The following LVRN variants were observed in gnomAD, a reference collection of about 807,000 sequenced individuals.
The protein encoded by LVRN is aminopeptidase Q.
A neutral mutation model predicts 111.4 loss-of-function variants in LVRN; 99 were observed. The ratio of observed to expected loss-of-function variants is 0.89; its 90% CI spans 0.76 to 1.05. The LOEUF (loss-of-function observed/expected upper bound fraction) is 1.05. Among genes scored for constraint, LVRN ranks in the 50% least tolerant of loss-of-function variants. The pLI, the probability that LVRN is intolerant of heterozygous loss-of-function variation, is 0.00. For synonymous variants in LVRN, 488 were observed against 449.5 expected, an observed-to-expected ratio of 1.09 and a Z score of -1.08; for missense variants, 1,414 against 1,206.8, an observed-to-expected ratio of 1.17 and a Z score of -2.54.
intron 4 of LVRN, among the ~76,000 whole-genome samples, chr5:115,991,817 G>A (rs917894608): frequency 5.9e-5 from 9 of 152,148 alleles, no homozygotes; most frequent in Non-Finnish European, 2.9e-5. Context: ...TTAGTGAGGT[G>A]TATGTTCAGA....
intron 18 of LVRN, among the ~76,000 whole-genome samples, chr5:116,016,941 G>T (rs17138669): frequency 0.16 from 25,097 of 152,124 alleles, 2,182 homozygotes; most frequent in East Asian, 0.22. Context: ...TAAATTCTAA[G>T]ATTCTTTCTA....
rs777586116 is a variant in LVRN, at chr5:115,962,882, C to T, written c.265C>T (p.Pro89Ser). The change falls in exon 1 of 20, where the codon CCC (proline) becomes TCC (serine). Residue 89 changes from proline to serine, a missense_variant. Coordinates refer to ENST00000357872, the MANE Select transcript of LVRN (RefSeq NM_173800.5). ...GACGACCACCCCGAGCAACTGGCGA[C>T]CCCCGGGGCCCTGGGACCAGCTACG... is the stretch of plus-strand genomic sequence containing the variant. ...AVTTTPSNWR[P>S]PGPWDQLRLP... 1.5e-5 allele frequency: 24 copies of T among 1,613,008 alleles called. No individual in the cohort carries two copies. Among genetic ancestry groups the T allele is most frequent in the South Asian group, 1.1e-5 (1 of 91,050 alleles).
chr5:116,027,541 A>G lies in LVRN; in HGVS notation c.*1423A>G, dbSNP rs757836794. The G allele has an allele frequency of 5.9e-5, 9 of 152,258 alleles. No homozygotes were observed. The highest frequency in any genetic ancestry group is 9.6e-5 in the African/African-American group (4 of 41,474). The allele number at this position is 152,258 out of a possible 1,614,324, so 9.4% of individuals were successfully genotyped here. On this transcript the variant is annotated 3_prime_UTR_variant, in exon 20 of 20. Coordinates refer to ENST00000357872, the MANE Select transcript of LVRN (RefSeq NM_173800.5). ...CAGACTTGGCCACAGGTCATAGGTC[A>G]GAGAATTTTTTCTTCAAATGTAGAA... is the stretch of plus-strand genomic sequence containing the variant.
intron 7 of LVRN, 119 bp from the exon 8 acceptor site, chr5:116,000,314 C>A: frequency 7.3e-7 from 1 of 1,367,250 alleles, no homozygotes. Flanking sequence ...TTCAAACATT[C>A]AACTAAAATG....
intron 1 of LVRN, among the ~76,000 whole-genome samples, chr5:115,982,734 C>T (rs982178763): frequency 6.6e-6 from 1 of 152,064 alleles, no homozygotes; most frequent in East Asian, 1.9e-4. Flanking sequence ...GGATTTGATA[C>T]CTTTACCCAT....
chr5:115,973,315 G>T (rs887717456), intron 1 of LVRN, among the ~76,000 whole-genome samples: 8 of 152,116 alleles, frequency 5.3e-5, no homozygotes, highest in Non-Finnish European at 8.8e-5. Flanking sequence ...CTCAAATTTT[G>T]CTTAGAATTT....
At chr5:115,975,810 A>T (rs1205691112) in intron 1 of LVRN, 1 of 152,680 alleles carries the variant, frequency 6.5e-6, no homozygotes, top group African/African-American at 2.4e-5. Context: ...CACTTGGGAT[A>T]TTGAACTTGT....
At chr5:115,977,275 C>G (rs1041627317) in intron 1 of LVRN, among the ~76,000 whole-genome samples, 1 of 152,108 alleles carries the variant, frequency 6.6e-6, no homozygotes, top group Non-Finnish European at 1.5e-5. Flanking sequence ...TAACGTCTGT[C>G]TCTTCAACTC....
chr5:115,983,475 C>G, intron 2 of LVRN, 46 bp downstream of exon 2: 1 of 1,532,672 alleles, frequency 6.5e-7, no homozygotes, highest in East Asian at 2.3e-5. Flanking sequence ...TCTATATAAG[C>G]TTTGTAATCA....
Position 116,005,959 on chromosome 5 carries a change from C to G in LVRN, c.2085C>G (p.Ser695=). 1 of 1,591,942 alleles carries G rather than the reference C, an allele frequency of 6.3e-7. No homozygotes were observed. The highest frequency in any genetic ancestry group is 8.6e-7 in the Non-Finnish European group (1 of 1,160,136). ...TGCAGTTGATTGATGATGCCTTTTCCTTGTCTAAGTGAGTATATTTTCTTC... is the reference window on the plus strand; with the variant it reads ...TGCAGTTGATTGATGATGCCTTTTCGTTGTCTAAGTGAGTATATTTTCTTC... ...HRLQLIDDAF[S]LSKNNYIEIE... Residue 695 remains serine (S), a synonymous_variant, in exon 13 of 20, where the codon TCC becomes TCG. Coordinates refer to ENST00000357872, the MANE Select transcript of LVRN (RefSeq NM_173800.5).
chr5:115,984,932 C>T (rs1747819744), intron 3 of LVRN, among the ~76,000 whole-genome samples: 1 of 152,134 alleles, frequency 6.6e-6, no homozygotes, highest in Non-Finnish European at 1.5e-5. Context: ...CATATTAAGC[C>T]CACTCATCAA....
At chr5:115,967,912 T>A (rs1753236757) in intron 1 of LVRN, among the ~76,000 whole-genome samples, 1 of 152,360 alleles carries the variant, frequency 6.6e-6, no homozygotes, top group Non-Finnish European at 1.5e-5. Context: ...ATAGAAATGC[T>A]GCTTTGTATG....
intron 1 of LVRN, among the ~76,000 whole-genome samples, chr5:115,981,707 T>C: frequency 6.6e-6 from 1 of 152,120 alleles, no homozygotes. Flanking sequence ...TTGGAACCCA[T>C]TAACCATCCC....
chr5:115,966,018 G>T (rs1433691041), intron 1 of LVRN, among the ~76,000 whole-genome samples: 1 of 152,034 alleles, frequency 6.6e-6, no homozygotes, highest in Non-Finnish European at 1.5e-5. Context: ...AATATAGAGA[G>T]GTCCTAGGTA....
chr5:115,995,862 C>G lies in LVRN; in HGVS notation c.1374+2008C>G, dbSNP rs1486488105. Among the ~76,000 whole-genome samples, 4 of 152,332 alleles carry G rather than the reference C, an allele frequency of 2.6e-5. No individual in the cohort carries two copies. The East Asian group carries it at 7.7e-4, about 29-fold the overall frequency. ...TCAGAAGTGAGATTCAATTCCAGGT[C>G]AGGCCAACTGCGAAGCCCATGCTTT... On this transcript the variant is annotated intron_variant, in intron 6 of 19. Transcript: ENST00000357872.
At position 115,968,462 on chromosome 5, in the gene LVRN, G is replaced by A. The variant is rs574167933; in HGVS notation, c.695+5150G>A. Among the ~76,000 whole-genome samples the A allele has an allele frequency of 6.3e-3, 925 of 146,380 alleles. 13 individuals carry two copies. Among genetic ancestry groups the A allele is most frequent in the African/African-American group, 0.019 (764 of 39,622 alleles). On this transcript the variant is annotated intron_variant, in intron 1 of 19. Transcript: ENST00000357872. ...CTTTTTTTTTTTTTTTTTCAGAGAT[G>A]GGATCTCACTCTGTCACTGAGGCTG...
chr5:116,023,734 A>C (rs956121185), intron 19 of LVRN: 13 of 152,328 alleles, frequency 8.5e-5, no homozygotes, highest in African/African-American at 3.1e-4. Context: ...CAACCTCTAC[A>C]CACCCAGTAG....
In LVRN at chr5:116,005,896, G is replaced by C. The variant is rs757895461; in HGVS notation, c.2038-16G>C. 2.5e-6 allele frequency: 4 copies of C among 1,584,900 alleles called. No homozygotes were observed. The highest frequency in any genetic ancestry group is 3.5e-6 in the Non-Finnish European group (4 of 1,153,534). On this transcript the variant is annotated splice_polypyrimidine_tract_variant and intron_variant, in intron 12 of 19. Transcript: ENST00000357872. ...TTCTCATCTTCTTCTGGGCATATTT[G>C]GGTCTAATTCTGCAGGCGATTCCTG...
chr5:115,990,313 A>G (rs1379966535), intron 4 of LVRN, among the ~76,000 whole-genome samples: 1 of 152,168 alleles, frequency 6.6e-6, no homozygotes, highest in Non-Finnish European at 1.5e-5. Context: ...TTAGACTCCT[A>G]TGTATTTTAA....
Sources: gnomAD v4.1 joint callset for allele counts (sites outside exome capture counted in the v4.1 genomes callset) on GRCh38, gnomAD v4.1.1 for gene constraint, MANE v1.5 for transcripts, NCBI Gene and HGNC (gene_info 2026-07-23, HGNC 2026-07-21) for gene names.